The following MGMT variants were observed in gnomAD, a reference collection of about 807,000 sequenced individuals.
The protein encoded by MGMT is methylated-DNA--protein-cysteine methyltransferase.
In MGMT, 14 loss-of-function variants were observed where a neutral mutation model predicts 15.9. The observed-to-expected ratio is 0.88, with a 90% CI of 0.58 to 1.37. The LOEUF (loss-of-function observed/expected upper bound fraction) is 1.37, where lower values mean the gene tolerates loss of function less well. MGMT is among the 40% of genes most tolerant of loss of function. MGMT has a pLI of 0.00. For missense variants in MGMT, 282 were observed against 268.1 expected, an observed-to-expected ratio of 1.05 and a Z score of -0.36; for synonymous variants, 130 against 118.2, an observed-to-expected ratio of 1.10 and a Z score of -0.65.
intron 2 of MGMT, among the ~76,000 whole-genome samples, chr10:129,682,556 G>C (rs762769195): frequency 2.6e-5 from 4 of 151,978 alleles, no homozygotes; most frequent in Non-Finnish European, 5.9e-5. Flanking sequence ...GGGGTTTTGT[G>C]CATGTAAATC....
At chr10:129,616,051 A>G (rs1316560383) in intron 2 of MGMT, among the ~76,000 whole-genome samples, 1 of 152,278 alleles carries the variant, frequency 6.6e-6, no homozygotes, top group African/African-American at 2.4e-5. Context: ...CATGAAGGGC[A>G]GACTGTGGTG....
At chr10:129,722,130 A>C (rs1306268900) in intron 3 of MGMT, among the ~76,000 whole-genome samples, 1 of 152,184 alleles carries the variant, frequency 6.6e-6, no homozygotes, top group Non-Finnish European at 1.5e-5. Flanking sequence ...TTTTCAGATC[A>C]CATAATTATT....
chr10:129,693,481 C>T (rs1245988091), intron 2 of MGMT, among the ~76,000 whole-genome samples: 1 of 152,210 alleles, frequency 6.6e-6, no homozygotes, highest in African/African-American at 2.4e-5. Context: ...ATAACTCTAG[C>T]TCTCCAAGGC....
rs909987842 is a variant in MGMT at position 129,651,020 on chromosome 10, G to A, written c.126-56875G>A. Among the ~76,000 whole-genome samples, 13 of 152,304 alleles carry A rather than the reference G, an allele frequency of 8.5e-5. 1 individual carries two copies. The highest frequency in any genetic ancestry group is 4.1e-4 in the South Asian group (2 of 4,822). ...GTGCAAGGGGCTGATCTGAAGATCC[G>A]GCTGGAACCTGGGAGCCACAGGATC... On this transcript the variant is annotated intron_variant, in intron 2 of 4. Transcript: ENST00000651593.
chr10:129,556,469 T>G lies in MGMT; in HGVS notation c.125+20092T>G, dbSNP rs1025558420. Among the ~76,000 whole-genome samples the G allele has an allele frequency of 6.6e-6, 1 of 152,122 alleles. No individual in the cohort carries two copies. Among genetic ancestry groups the G allele is most frequent in the Non-Finnish European group, 1.5e-5 (1 of 68,012 alleles). On this transcript the variant is annotated intron_variant, in intron 2 of 4. Transcript: ENST00000651593. This position sits in a 1 kb window ranked among gnomAD's most constrained non-coding sequence, Gnocchi z 4.3. ...AGAGAGCGCCTTGGAGAAAACCAGC[T>G]GTGCCTACACCTTGGGTTCAGACTT...
chr10:129,766,903 G>A lies in MGMT; in HGVS notation c.530G>A (p.Gly177Glu), dbSNP rs755037750. The change falls in exon 5 of 5, where the codon GGG (glycine) becomes GAG (glutamate). Residue 177 changes from glycine (G) to glutamate (E), a missense_variant. Transcript: ENST00000651593. ...WLLAHEGHRL[G>E]KPGLGGSSGL... The stretch of plus-strand genomic sequence containing the variant: ...CTGGCCCATGAAGGCCACCGGTTGG[G>A]GAAGCCAGGCTTGGGAGGGAGCTCA... 1 of 1,613,418 alleles carries A rather than the reference G, an allele frequency of 6.2e-7. No individual in the cohort carries two copies. The highest frequency in any genetic ancestry group is 1.3e-5 in the African/African-American group (1 of 74,952).
intron 2 of MGMT, among the ~76,000 whole-genome samples, chr10:129,600,460 A>C (rs56402188): frequency 0.031 from 4,707 of 152,326 alleles, 114 homozygotes; most frequent in South Asian, 0.065. Context: ...ATTCTCATTA[A>C]TAGACCCAGA....
At chr10:129,652,769 G>A (rs146293429) in intron 2 of MGMT, among the ~76,000 whole-genome samples, 3,909 of 152,356 alleles carry the variant, frequency 0.026, 80 homozygotes, top group South Asian at 0.064. Flanking sequence ...CTCAGTGCCT[G>A]TTGGATTCCC....
intron 3 of MGMT, among the ~76,000 whole-genome samples, chr10:129,744,731 C>T (rs1323288913): frequency 6.6e-6 from 1 of 152,226 alleles, no homozygotes; most frequent in African/African-American, 2.4e-5. Flanking sequence ...CCACAGACCA[C>T]AGGAGCTCCT....
intron 2 of MGMT, 89 bp from the exon 3 acceptor site, chr10:129,707,806 T>A (rs1848182302): frequency 3.9e-6 from 6 of 1,554,950 alleles, no homozygotes; most frequent in Non-Finnish European, 5.3e-6. Flanking sequence ...CACAGGTGTT[T>A]GCCCGTTTAG....
chr10:129,736,877 G>C (rs1294028305), intron 3 of MGMT, among the ~76,000 whole-genome samples: 1 of 152,172 alleles, frequency 6.6e-6, no homozygotes, highest in African/African-American at 2.4e-5. Context: ...TAAGAATGTT[G>C]AATATTGGCC....
intron 2 of MGMT, among the ~76,000 whole-genome samples, chr10:129,629,558 G>A (rs1847187908): frequency 6.6e-6 from 1 of 152,186 alleles, no homozygotes; most frequent in Non-Finnish European, 1.5e-5. Context: ...CAGCGTACCT[G>A]GTGACTGGCA....
At chr10:129,558,505 T>C (rs1846240597) in intron 2 of MGMT, among the ~76,000 whole-genome samples, 1 of 152,192 alleles carries the variant, frequency 6.6e-6, no homozygotes, top group South Asian at 2.1e-4. Flanking sequence ...GCCTCTGCCT[T>C]TGTGGTGGCG....
chr10:129,742,319 C>T (rs868040242), intron 3 of MGMT, among the ~76,000 whole-genome samples: 7 of 152,354 alleles, frequency 4.6e-5, no homozygotes, highest in Middle Eastern at 3.4e-3. Context: ...ACTCTACCAT[C>T]CGCAGGAAAA....
intron 3 of MGMT, among the ~76,000 whole-genome samples, chr10:129,733,072 C>G (rs1271815597): frequency 1.3e-5 from 2 of 150,194 alleles, no homozygotes; most frequent in Non-Finnish European, 3.0e-5. Context: ...GGTATATACC[C>G]AGTAATGGGA....
intron 1 of MGMT, among the ~76,000 whole-genome samples, chr10:129,471,401 T>C (rs1272138630): frequency 6.6e-6 from 1 of 152,108 alleles, no homozygotes; most frequent in Non-Finnish European, 1.5e-5. Flanking sequence ...TCGCTAGTTA[T>C]TTATCATTTG....
chr10:129,625,732 TGTGCGTGTGTGTGC>T (rs61689074), intron 2 of MGMT, among the ~76,000 whole-genome samples: 1,608 of 6,378 alleles, frequency 0.25, 31 homozygotes, highest in Middle Eastern at 0.5. Context: ...CACACGTGTG[TGTGCGTGTGTGTGC>T]ATGCATGTAT....
chr10:129,678,984 G>T (rs1356587591), intron 2 of MGMT, among the ~76,000 whole-genome samples: 1 of 151,366 alleles, frequency 6.6e-6, no homozygotes, highest in Non-Finnish European at 1.5e-5. Context: ...GAGGTGGGAG[G>T]ATCGCTTGAA....
chr10:129,704,778 G>T (rs1848140290), intron 2 of MGMT, among the ~76,000 whole-genome samples: 1 of 151,768 alleles, frequency 6.6e-6, no homozygotes, highest in Non-Finnish European at 1.5e-5. Flanking sequence ...ACCCAAAAAG[G>T]TCCATTTTTA....
Sources: gnomAD v4.1 joint callset for allele counts (sites outside exome capture counted in the v4.1 genomes callset) on GRCh38, gnomAD v4.1.1 for gene constraint, Gnocchi (gnomAD v3.1) non-coding constraint, MANE v1.5 for transcripts, NCBI Gene and HGNC (gene_info 2026-07-23, HGNC 2026-07-21) for gene names.